Variants in ETS1 observed in about 807,000 individuals in gnomAD.
ETS1 encodes ETS proto-oncogene 1, transcription factor.
ETS1 carries 15 observed loss-of-function variants against 58.6 expected under a neutral mutation model. The observed-to-expected ratio is 0.26, with a 90% CI of 0.17 to 0.39. The LOEUF is 0.39. Among genes scored for constraint, ETS1 ranks in the 10% least tolerant of loss-of-function variants. The pLI, the probability that ETS1 is intolerant of heterozygous loss-of-function variation, is 1.00. For missense variants in ETS1, 417 were observed against 610.5 expected, an observed-to-expected ratio of 0.68 and a Z score of 3.34; for synonymous variants, 214 against 218.2, an observed-to-expected ratio of 0.98 and a Z score of 0.17.
chr11:128,528,470 C>T (rs896177451), intron 3 of ETS1, among the ~76,000 whole-genome samples: 4 of 152,166 alleles, frequency 2.6e-5, no homozygotes, highest in African/African-American at 9.7e-5. Flanking sequence ...CCCACCCCTG[C>T]AAGTTGCCAC....
At chr11:128,555,710 TGAG>T (rs1864301403) in intron 3 of ETS1, among the ~76,000 whole-genome samples, 1 of 152,104 alleles carries the variant, frequency 6.6e-6, no homozygotes, top group African/African-American at 2.4e-5. Flanking sequence ...AGCATGGAGA[TGAG>T]GACTTCAGAT....
At chr11:128,505,917 T>G (rs1863216590) in intron 3 of ETS1, among the ~76,000 whole-genome samples, 1 of 152,130 alleles carries the variant, frequency 6.6e-6, no homozygotes, top group Admixed American at 6.5e-5. Flanking sequence ...GCTCATTATC[T>G]CTGTCCAGAC....
At chr11:128,476,582 T>C (rs1282223992) in intron 8 of ETS1, among the ~76,000 whole-genome samples, 2 of 152,246 alleles carry the variant, frequency 1.3e-5, no homozygotes, top group Non-Finnish European at 2.9e-5. Context: ...GACTACTATG[T>C]GACAACCCAT....
chr11:128,585,056 GA>G (rs1453421481), intron 1 of ETS1, among the ~76,000 whole-genome samples: 1,714 of 19,970 alleles, frequency 0.086, 426 homozygotes, highest in Non-Finnish European at 0.09. Context: ...AAGAAAGAAA[GA>G]AAGAAAGAAA....
chr11:128,528,974 C>T (rs976654284), intron 3 of ETS1: 1 of 152,198 alleles, frequency 6.6e-6, no homozygotes, highest in African/African-American at 2.4e-5. Flanking sequence ...GATTGTCAGC[C>T]TGGACGTTTT....
At position 128,464,278 on chromosome 11, in the gene ETS1, C is replaced by T. The variant is rs1333747292; in HGVS notation, c.1124-651G>A. Among the ~76,000 whole-genome samples the T allele has an allele frequency of 6.7e-6, 1 of 148,914 alleles. No homozygotes were observed. Among genetic ancestry groups the T allele is most frequent in the African/African-American group, 2.5e-5 (1 of 40,304 alleles). On this transcript the variant is annotated intron_variant, in intron 8 of 9. Coordinates refer to ENST00000392668, the MANE Select transcript of ETS1 (RefSeq NM_001143820.2). The surrounding 1 kb of genome is among the most constrained non-coding windows in gnomAD (Gnocchi z 4.1). ...GCATCATTACTATTTGAGGAATTAA[C>T]GTGCCACCCAGAAAATCCTCAGGGG... is the stretch of plus-strand genomic sequence containing the variant.
intron 1 of ETS1, among the ~76,000 whole-genome samples, chr11:128,574,713 C>T (rs2135584310): frequency 6.6e-6 from 1 of 152,302 alleles, no homozygotes; most frequent in Middle Eastern, 3.4e-3. Flanking sequence ...AGCTCCATGG[C>T]TCCTTTCCCA....
chr11:128,503,948 G>A (rs764719986), intron 3 of ETS1, among the ~76,000 whole-genome samples: 3 of 152,092 alleles, frequency 2.0e-5, no homozygotes, highest in Non-Finnish European at 4.4e-5. Flanking sequence ...ACCAAAAACC[G>A]ATGGTGCCGC....
intron 7 of ETS1, among the ~76,000 whole-genome samples, chr11:128,483,918 C>T (rs1479448030): frequency 6.6e-6 from 1 of 152,184 alleles, no homozygotes; most frequent in African/African-American, 2.4e-5. Flanking sequence ...TTCCCATTTA[C>T]CCACCAGAAA....
intron 3 of ETS1, among the ~76,000 whole-genome samples, chr11:128,540,106 G>A (rs944045270): frequency 1.3e-5 from 2 of 152,212 alleles, no homozygotes; most frequent in African/African-American, 4.8e-5. Context: ...GAGGTCAGGA[G>A]TTGGAGACCA....
intron 1 of ETS1, among the ~76,000 whole-genome samples, chr11:128,584,646 G>A (rs1864937238): frequency 6.6e-6 from 1 of 152,142 alleles, no homozygotes; most frequent in Admixed American, 6.5e-5. Context: ...ACATTAAAAG[G>A]TGGAGTTCAA....
At chr11:128,532,853 A>G (rs1052725161) in intron 3 of ETS1, among the ~76,000 whole-genome samples, 3 of 152,122 alleles carry the variant, frequency 2.0e-5, no homozygotes, top group African/African-American at 7.2e-5. Context: ...TTTTCCCAAC[A>G]ATTAGCCCTG....
rs773437706 is a variant in ETS1 at position 128,464,633 on chromosome 11, G to C, written c.1124-1006C>G. ...GCAGAGCGGGACTGGGAAAGACCCA[G>C]TCCATGTCTCTGGATACAGCCCAGG... On this transcript the variant is annotated intron_variant, in intron 8 of 9. Transcript: ENST00000392668. This position sits in a 1 kb window ranked among gnomAD's most constrained non-coding sequence, Gnocchi z 4.1. Among the ~76,000 whole-genome samples the C allele has an allele frequency of 2.2e-4, 34 of 152,092 alleles. No individual in the cohort carries two copies. Among genetic ancestry groups the C allele is most frequent in the Non-Finnish European group, 4.0e-4 (27 of 68,012 alleles).
intron 2 of ETS1, among the ~76,000 whole-genome samples, chr11:128,557,547 C>T (rs1345915241): frequency 6.6e-6 from 1 of 152,154 alleles, no homozygotes; most frequent in African/African-American, 2.4e-5. Flanking sequence ...CCTTAACATT[C>T]CTGGAAATGG....
chr11:128,555,576 A>G (rs960906055), intron 3 of ETS1, among the ~76,000 whole-genome samples: 19 of 152,228 alleles, frequency 1.2e-4, no homozygotes, highest in African/African-American at 4.6e-4. Context: ...GATCATTTCA[A>G]AATTCCCAAA....
intron 3 of ETS1, chr11:128,521,939 A>G (rs1471454136): frequency 6.2e-7 from 1 of 1,606,734 alleles, no homozygotes; most frequent in Admixed American, 1.7e-5. Context: ...CTCCAGATCG[A>G]CTTTTTCCGT....
At chr11:128,568,081 A>G (rs1864541492) in intron 2 of ETS1, among the ~76,000 whole-genome samples, 1 of 152,216 alleles carries the variant, frequency 6.6e-6, no homozygotes, top group Non-Finnish European at 1.5e-5. Flanking sequence ...GGTGGAGCAC[A>G]GTGGGCCACT....
chr11:128,540,746 C>A (rs1486924858), intron 3 of ETS1, among the ~76,000 whole-genome samples: 1 of 152,138 alleles, frequency 6.6e-6, no homozygotes, highest in Non-Finnish European at 1.5e-5. Context: ...CAGCAAGGAG[C>A]ACTAATGAAG....
At chr11:128,468,803 C>A (rs1001415625) in intron 8 of ETS1, among the ~76,000 whole-genome samples, 13 of 152,144 alleles carry the variant, frequency 8.5e-5, no homozygotes, top group Non-Finnish European at 1.9e-4. Context: ...TTCACTGCTT[C>A]AACCCAAAGC....
Sources: allele counts gnomAD v4.1 joint callset (sites outside exome capture counted in the v4.1 genomes callset), GRCh38; gene constraint gnomAD v4.1.1; non-coding constraint Gnocchi (gnomAD v3.1); transcripts MANE v1.5; gene names NCBI Gene and HGNC (gene_info 2026-07-23, HGNC 2026-07-21).